Variants in NPNT observed in about 807,000 individuals in gnomAD.
The protein encoded by NPNT is preosteoblast EGF-like repeat protein with MAM domain.
In NPNT, 45 loss-of-function variants were observed where a neutral mutation model predicts 68.6. The observed-to-expected ratio is 0.66, with a 90% CI of 0.52 to 0.84. The LOEUF is 0.84. Among genes scored for constraint, NPNT ranks in the 40% least tolerant of loss-of-function variants. The pLI is 0.00. For synonymous variants in NPNT, 233 were observed against 253.3 expected, an observed-to-expected ratio of 0.92 and a Z score of 0.76; for missense variants, 672 against 714.8, an observed-to-expected ratio of 0.94 and a Z score of 0.68.
chr4:105,904,966 C>T (rs1317287729), intron 2 of NPNT, among the ~76,000 whole-genome samples: 1 of 152,024 alleles, frequency 6.6e-6, no homozygotes, highest in Non-Finnish European at 1.5e-5. Flanking sequence ...GAACTCCTGA[C>T]TTCAGGTAAT....
intron 5 of NPNT, among the ~76,000 whole-genome samples, chr4:105,939,613 G>A (rs1216773780): frequency 6.6e-6 from 1 of 152,224 alleles, no homozygotes; most frequent in African/African-American, 2.4e-5. Flanking sequence ...GAGGGGGTAA[G>A]TAACAGCAAA....
chr4:105,968,854 G>T, intron 11 of NPNT, 41 bp from the exon 12 acceptor site: 1 of 1,162,650 alleles, frequency 8.6e-7, no homozygotes, highest in Non-Finnish European at 1.3e-6. Flanking sequence ...CATTAGAAAG[G>T]GGCAGAGGAG....
chr4:105,931,543 A>C (rs1045832895), intron 3 of NPNT, among the ~76,000 whole-genome samples: 1 of 151,916 alleles, frequency 6.6e-6, no homozygotes, highest in Admixed American at 6.6e-5. Flanking sequence ...GTATGGTTCC[A>C]GCCGGGCGCC....
At chr4:105,898,051 A>G (rs764419153) in intron 2 of NPNT, 50 bp downstream of exon 2, 2 of 1,278,344 alleles carry the variant, frequency 1.6e-6, no homozygotes, top group Non-Finnish European at 2.2e-6. Context: ...GTGGCTTTCC[A>G]CCTTGTTCAT....
Position 105,904,216 on chromosome 4 carries a change from G to A in NPNT, c.172+6215G>A, listed in dbSNP as rs145104557. Among the ~76,000 whole-genome samples, 374 of 152,188 alleles carry A rather than the reference G, an allele frequency of 2.5e-3. 2 individuals are homozygous for A. Among genetic ancestry groups the A allele is most frequent in the African/African-American group, 8.8e-3 (365 of 41,534 alleles). ...ACACAAGCAATTCTAAAAAAACTTTGAACATATGTTAAAGATGTTGTTTTG... is the reference window on the plus strand; with the variant it reads ...ACACAAGCAATTCTAAAAAAACTTTAAACATATGTTAAAGATGTTGTTTTG... On this transcript the variant is annotated intron_variant, in intron 2 of 11. Transcript: ENST00000379987.
intron 2 of NPNT, among the ~76,000 whole-genome samples, chr4:105,910,104 C>T (rs941061694): frequency 6.6e-6 from 1 of 151,466 alleles, no homozygotes; most frequent in African/African-American, 2.4e-5. Flanking sequence ...GTTTCTTATC[C>T]TTGATTTTCC....
At chr4:105,927,238 T>G in intron 2 of NPNT, 98 bp from the exon 3 acceptor site, 1 of 715,910 alleles carries the variant, frequency 1.4e-6, no homozygotes, top group East Asian at 2.8e-5. Flanking sequence ...TAAGTTCTAG[T>G]TTTTTTTCTT....
Position 105,970,234 on chromosome 4 carries a change from A to T in NPNT, c.*1244A>T. On this transcript the variant is annotated 3_prime_UTR_variant, in exon 12 of 12. Transcript: ENST00000379987. Reference sequence around the variant, plus strand: ...CACTGGAGGAGCAGGGCAAGTTGGAATTCTAAGATCCATGAACCCCCAACT... The same window carrying T: ...CACTGGAGGAGCAGGGCAAGTTGGATTTCTAAGATCCATGAACCCCCAACT... 1 of 566,460 alleles carries T rather than the reference A, an allele frequency of 1.8e-6. No individual in the cohort carries two copies. The highest frequency in any genetic ancestry group is 1.9e-5 in the African/African-American group (1 of 53,350). The allele number at this position is 566,460 out of a possible 1,614,324, so 35.1% of individuals were successfully genotyped here. A position where few individuals can be genotyped will look rare whatever the true frequency, so the allele number is the denominator to read the frequency against.
At chr4:105,896,448 G>A (rs1307112042) in intron 1 of NPNT, among the ~76,000 whole-genome samples, 3 of 152,172 alleles carry the variant, frequency 2.0e-5, no homozygotes, top group Admixed American at 6.5e-5. Context: ...CCCGCGCTCC[G>A]GGGCCGCTCC....
At chr4:105,922,451 A>C (rs1036697999) in intron 2 of NPNT, among the ~76,000 whole-genome samples, 1 of 149,738 alleles carries the variant, frequency 6.7e-6, no homozygotes, top group African/African-American at 2.5e-5. Flanking sequence ...GCAGTGGCGC[A>C]GTCTCAGCTC....
chr4:105,914,730 G>A (rs1360492332), intron 2 of NPNT, among the ~76,000 whole-genome samples: 1 of 151,808 alleles, frequency 6.6e-6, no homozygotes, highest in Non-Finnish European at 1.5e-5. Context: ...GCTGAATCCC[G>A]AGGGATAAAT....
chr4:105,922,405 T>G (rs1728325559), intron 2 of NPNT, among the ~76,000 whole-genome samples: 1 of 141,978 alleles, frequency 7.0e-6, no homozygotes, highest in Non-Finnish European at 1.5e-5. Flanking sequence ...TTTTTTTTTT[T>G]GAGATCAAGT....
At chr4:105,905,104 A>G (rs758476420) in intron 2 of NPNT, among the ~76,000 whole-genome samples, 15 of 151,374 alleles carry the variant, frequency 9.9e-5, no homozygotes, top group Admixed American at 2.0e-4. Context: ...ATAACCTATT[A>G]AGGAGGAATA....
chr4:105,921,612 G>A (rs1460107556), intron 2 of NPNT, among the ~76,000 whole-genome samples: 1 of 152,096 alleles, frequency 6.6e-6, no homozygotes, highest in East Asian at 1.9e-4. Flanking sequence ...TAGGAAAGCT[G>A]GAAAGATGCT....
intron 8 of NPNT, among the ~76,000 whole-genome samples, chr4:105,945,925 G>A (rs995188393): frequency 1.3e-5 from 2 of 152,124 alleles, no homozygotes; most frequent in African/African-American, 2.4e-5. Flanking sequence ...CAAGATTTAA[G>A]GCAAATTTTT....
Position 105,897,991 on chromosome 4 carries a change from A to G in NPNT, c.162A>G (p.Gly54=). 1 of 1,607,876 alleles carries G rather than the reference A, an allele frequency of 6.2e-7. No homozygotes were observed. Among genetic ancestry groups the G allele is most frequent in the Non-Finnish European group, 8.5e-7 (1 of 1,177,364 alleles). Residue 54 remains glycine (G), a synonymous_variant, in exon 2 of 12, where the codon GGA becomes GGG. Transcript: ENST00000379987. The stretch of plus-strand genomic sequence containing the variant: ...GGGGCTGGGCTCGCCAGTCTTGGGG[A>G]CAGTGTCAGCGTGAGTATCAAGCCT... ...CCWGWARQSW[G]QCQPVCQPRC...
chr4:105,938,221 G>T (rs1208559949), intron 4 of NPNT, 80 bp from the exon 5 acceptor site: 8 of 1,418,230 alleles, frequency 5.6e-6, no homozygotes, highest in Non-Finnish European at 5.8e-6. Flanking sequence ...CTGATTTCAG[G>T]ACAAGTGAAA....
Position 105,947,010 on chromosome 4 carries a change from A to C in NPNT, c.1159+4308A>C, listed in dbSNP as rs1730443280. Among the ~76,000 whole-genome samples the C allele has an allele frequency of 2.6e-5, 4 of 152,164 alleles. No individual in the cohort carries two copies. In the South Asian group the frequency reaches 8.3e-4, roughly 32 times the overall value. ...AACCGCATGAGACAGACACTCCCAG[A>C]GCAGCTGTTTATAGACCTCCACCAG... On this transcript the variant is annotated intron_variant, in intron 8 of 11. Coordinates refer to ENST00000379987, the MANE Select transcript of NPNT (RefSeq NM_001033047.3).
At chr4:105,925,943 T>C (rs1728644276) in intron 2 of NPNT, among the ~76,000 whole-genome samples, 1 of 152,230 alleles carries the variant, frequency 6.6e-6, no homozygotes, top group African/African-American at 2.4e-5. Context: ...AGTGCATGTT[T>C]CTCATTCTGA....
Sources: gnomAD v4.1 joint callset for allele counts (sites outside exome capture counted in the v4.1 genomes callset) on GRCh38, gnomAD v4.1.1 for gene constraint, MANE v1.5 for transcripts, NCBI Gene and HGNC (gene_info 2026-07-23, HGNC 2026-07-21) for gene names.